FHIT: variants seen among roughly 807,000 people sequenced by gnomAD.
FHIT encodes bis(5'-adenosyl)-triphosphatase.
In FHIT, 19 loss-of-function variants were observed where a neutral mutation model predicts 17.9. The ratio of observed to expected loss-of-function variants is 1.06; its 90% CI spans 0.74 to 1.56. The LOEUF is 1.56. Among genes scored for constraint, FHIT ranks in the 40% most tolerant of loss-of-function variants. The probability of loss-of-function intolerance (pLI) is 0.00; values close to 1 mark genes in which losing one functional copy is unlikely to be tolerated. For missense variants in FHIT, 248 were observed against 189.2 expected, an observed-to-expected ratio of 1.31 and a Z score of -1.82; for synonymous variants, 81 against 69.7, an observed-to-expected ratio of 1.16 and a Z score of -0.81.
At chr3:60,863,215 C>T (rs1423253434) in intron 3 of FHIT, among the ~76,000 whole-genome samples, 3 of 152,116 alleles carry the variant, frequency 2.0e-5, no homozygotes, top group African/African-American at 4.8e-5. Context: ...AGGGTGGAGC[C>T]CTGCCTAACA....
intron 4 of FHIT, among the ~76,000 whole-genome samples, chr3:60,779,784 A>C (rs1179168756): frequency 6.6e-6 from 1 of 152,182 alleles, no homozygotes; most frequent in African/African-American, 2.4e-5. Context: ...ACAGAAGTTA[A>C]AAGGCACAGC....
At chr3:61,055,443 G>A (rs769062864) in intron 2 of FHIT, among the ~76,000 whole-genome samples, 2 of 152,164 alleles carry the variant, frequency 1.3e-5, no homozygotes, top group Non-Finnish European at 2.9e-5. Flanking sequence ...CATCAGGTTA[G>A]TCATAGAGAA....
chr3:60,499,501 C>T (rs2034436260), intron 5 of FHIT, among the ~76,000 whole-genome samples: 1 of 152,118 alleles, frequency 6.6e-6, no homozygotes. Flanking sequence ...ACGCGACTCT[C>T]CTGCCTCAGC....
At chr3:60,287,720 T>C (rs1707793170) in intron 5 of FHIT, among the ~76,000 whole-genome samples, 2 of 151,754 alleles carry the variant, frequency 1.3e-5, no homozygotes, top group Admixed American at 1.3e-4. Flanking sequence ...AGAAGAAAAA[T>C]GGGGAGACAA....
At chr3:60,893,230 G>C (rs1705606609) in intron 3 of FHIT, among the ~76,000 whole-genome samples, 1 of 152,054 alleles carries the variant, frequency 6.6e-6, no homozygotes, top group Admixed American at 6.6e-5. Context: ...GTTTCCCCTA[G>C]TTTACTACAC....
chr3:61,077,472 AC>A (rs2035005706), intron 2 of FHIT, among the ~76,000 whole-genome samples: 3 of 151,998 alleles, frequency 2.0e-5, no homozygotes, highest in African/African-American at 7.3e-5. Flanking sequence ...AAAAAAACAA[AC>A]AAACAAACAA....
At chr3:60,096,003 T>C (rs1703932082) in intron 5 of FHIT, among the ~76,000 whole-genome samples, 1 of 152,118 alleles carries the variant, frequency 6.6e-6, no homozygotes, top group African/African-American at 2.4e-5. Context: ...AGAAATAACA[T>C]ATACACCTTG....
intron 5 of FHIT, among the ~76,000 whole-genome samples, chr3:60,527,814 A>G (rs943154381): frequency 2.6e-5 from 4 of 152,226 alleles, no homozygotes; most frequent in Non-Finnish European, 5.9e-5. Context: ...CCCACCGTAC[A>G]TAGAAGTTTG....
intron 3 of FHIT, among the ~76,000 whole-genome samples, chr3:61,018,538 G>C (rs1471276315): frequency 6.6e-6 from 1 of 152,174 alleles, no homozygotes; most frequent in African/African-American, 2.4e-5. Context: ...GTAGTTCTCA[G>C]ATATGGTTAG....
intron 5 of FHIT, among the ~76,000 whole-genome samples, chr3:60,294,683 TC>T (rs2106677021): frequency 6.6e-6 from 1 of 152,224 alleles, no homozygotes; most frequent in African/African-American, 2.4e-5. Flanking sequence ...ATTAATTTGC[TC>T]CCGCCCTCAC....
At chr3:60,423,495 G>C (rs1235534531) in intron 5 of FHIT, among the ~76,000 whole-genome samples, 1 of 152,022 alleles carries the variant, frequency 6.6e-6, no homozygotes, top group Non-Finnish European at 1.5e-5. Context: ...GTTTTTTTCT[G>C]ATTGATATGA....
At chr3:60,172,368 T>G (rs1576247472) in intron 5 of FHIT, among the ~76,000 whole-genome samples, 1 of 151,898 alleles carries the variant, frequency 6.6e-6, no homozygotes, top group Non-Finnish European at 1.5e-5. Context: ...CAGGTTTGAG[T>G]GATTCTCCTG....
intron 5 of FHIT, among the ~76,000 whole-genome samples, chr3:60,415,718 A>C (rs1702221942): frequency 8.4e-6 from 1 of 119,246 alleles, no homozygotes; most frequent in Non-Finnish European, 1.7e-5. Context: ...GAAACTGAAG[A>C]CAAACGCCTG....
At chr3:60,267,708 T>C (rs1176981697) in intron 5 of FHIT, among the ~76,000 whole-genome samples, 1 of 152,178 alleles carries the variant, frequency 6.6e-6, no homozygotes, top group African/African-American at 2.4e-5. Flanking sequence ...AAGCATTTAC[T>C]AATGATCAAT....
chr3:59,898,721 T>G (rs1704188950), intron 8 of FHIT, among the ~76,000 whole-genome samples: 1 of 152,116 alleles, frequency 6.6e-6, no homozygotes, highest in African/African-American at 2.4e-5. Flanking sequence ...CATGTGACCT[T>G]ACAACACCAG....
chr3:60,123,166 A>C (rs1211762778), intron 5 of FHIT, among the ~76,000 whole-genome samples: 2 of 151,808 alleles, frequency 1.3e-5, no homozygotes, highest in Non-Finnish European at 2.9e-5. Context: ...AGAAGCTATT[A>C]ATATTAACAG....
intron 8 of FHIT, among the ~76,000 whole-genome samples, chr3:59,918,262 G>A (rs1027894667): frequency 6.6e-6 from 1 of 152,044 alleles, no homozygotes; most frequent in Admixed American, 6.6e-5. Flanking sequence ...TTCACTGAAG[G>A]TCCACCCTAG....
intron 2 of FHIT, among the ~76,000 whole-genome samples, chr3:61,088,210 G>T (rs1202397783): frequency 6.6e-6 from 1 of 152,046 alleles, no homozygotes; most frequent in East Asian, 1.9e-4. Flanking sequence ...GCCCAGAAAA[G>T]AGTTTTGTTT....
intron 7 of FHIT, among the ~76,000 whole-genome samples, chr3:59,934,199 T>G (rs1015200845): frequency 6.6e-6 from 1 of 152,196 alleles, no homozygotes; most frequent in Non-Finnish European, 1.5e-5. Flanking sequence ...ATCATAAAAC[T>G]GCATGATAGA....
Sources: gnomAD v4.1 joint callset for allele counts (sites outside exome capture counted in the v4.1 genomes callset) on GRCh38, gnomAD v4.1.1 for gene constraint, MANE v1.5 for transcripts, NCBI Gene and HGNC (gene_info 2026-07-23, HGNC 2026-07-21) for gene names.